Variants in LY75 observed in about 807,000 individuals in gnomAD.
LY75 encodes the protein C-type lectin domain family 13 member B.
A neutral mutation model predicts 231.7 loss-of-function variants in LY75; 185 were observed. That is an observed-to-expected ratio of 0.80 (90% CI 0.71 to 0.90). LY75 has a LOEUF of 0.90. Ranked by LOEUF, LY75 falls within the 40% of genes least tolerant of loss-of-function variation. The probability of loss-of-function intolerance (pLI) is 0.00; values close to 1 mark genes in which losing one functional copy is unlikely to be tolerated. For synonymous variants in LY75, 668 were observed against 689.0 expected, an observed-to-expected ratio of 0.97 and a Z score of 0.48; for missense variants, 1,947 against 2,050.2, an observed-to-expected ratio of 0.95 and a Z score of 0.97.
chr2:159,838,731 T>C (rs1349161390), intron 25 of LY75, among the ~76,000 whole-genome samples: 1 of 152,188 alleles, frequency 6.6e-6, no homozygotes, highest in East Asian at 1.9e-4. Flanking sequence ...ATTGAGACTG[T>C]GAGGACTGAG....
rs1260389521 is a variant in LY75, at chr2:159,885,270, CTAT to C, written c.934_936del (p.Ile312del). On this transcript the variant is annotated inframe_deletion, in exon 6 of 35. Transcript: ENST00000263636. ...TCCATTCTTGCACAGCTGGAGCCAC[CTAT>C]AGTAGGTGCACTGGGCCTGTCTTAA... 29 of 1,613,376 alleles carry C rather than the reference CTAT, an allele frequency of 1.8e-5. No individual in the cohort carries two copies. The highest frequency in any genetic ancestry group is 2.2e-5 in the Non-Finnish European group (26 of 1,179,658).
intron 2 of LY75, among the ~76,000 whole-genome samples, chr2:159,894,453 A>G (rs1168327544): frequency 6.6e-6 from 1 of 152,224 alleles, no homozygotes; most frequent in Non-Finnish European, 1.5e-5. Context: ...ACTTCACCAG[A>G]AAGGGTGCCC....
intron 21 of LY75, among the ~76,000 whole-genome samples, chr2:159,851,500 G>A (rs1684401209): frequency 6.6e-6 from 1 of 152,178 alleles, no homozygotes; most frequent in South Asian, 2.1e-4. Context: ...GGATGGCAGA[G>A]CAAAACCAAA....
rs1685626022 is a variant in LY75 at position 159,887,483 on chromosome 2, A to G, written c.803-953T>C. On this transcript the variant is annotated intron_variant, in intron 4 of 34. Transcript: ENST00000263636. ...TGAGGCAGAAGAATTGCTTGAACCC[A>G]GGAGACAGAGGTTGCAGTGAGCCGA... 4.7e-5 allele frequency among the ~76,000 whole-genome samples: 7 copies of G among 150,186 alleles called. No homozygotes were observed. In the Admixed American group the frequency reaches 4.7e-4, roughly 10 times the overall value.
rs1682755787 is a variant in LY75 at position 159,805,187 on chromosome 2, T to G, written c.5026A>C (p.Thr1676Pro). The change falls in exon 35 of 35, where the codon ACA (threonine) becomes CCA (proline). Residue 1676 changes from threonine (T) to proline (P), a missense_variant. Thr to Pro is a conservative substitution (Grantham distance 38). Coordinates refer to ENST00000263636, the MANE Select transcript of LY75 (RefSeq NM_002349.4). Reference protein sequence around the residue: ...DYTAIAIIVATLSILVLMGGL... With the variant: ...DYTAIAIIVAPLSILVLMGGL... ...CCCATGAGAACTAAGATACTTAGTG[T>G]GGCAACTATGATAGCTATTGCTGTG... The G allele has an allele frequency of 1.2e-6, 2 of 1,614,024 alleles. No homozygotes were observed. The highest frequency in any genetic ancestry group is 1.7e-5 in the Admixed American group (1 of 60,002).
Position 159,831,710 on chromosome 2 carries a change from A to G in LY75, c.3918T>C (p.Asn1306=), listed in dbSNP as rs1683665692. ...NFVLEQLLYF[N]YMASWVMLGI... The stretch of plus-strand genomic sequence containing the variant: ...CTAACATGACCCATGAAGCCATATA[A>G]TTGAAGTACAGCAGTTGCTCAAGAA... Residue 1306 remains asparagine (N), a synonymous_variant, in exon 28 of 35, where the codon AAT becomes AAC. Coordinates refer to ENST00000263636, the MANE Select transcript of LY75 (RefSeq NM_002349.4). 6.2e-7 allele frequency: 1 copy of G among 1,612,618 alleles called. No individual in the cohort carries two copies. Among genetic ancestry groups the G allele is most frequent in the African/African-American group, 1.3e-5 (1 of 74,912 alleles).
rs572010089 is a variant in LY75 at position 159,824,870 on chromosome 2, CGAAAT to C, written c.3959-4955_3959-4951del. 3.6e-4 allele frequency among the ~76,000 whole-genome samples: 55 copies of C among 151,936 alleles called. 1 individual carries two copies. In the East Asian group the frequency reaches 8.1e-3, roughly 22 times the overall value. On this transcript the variant is annotated intron_variant, in intron 28 of 34. Coordinates refer to ENST00000263636, the MANE Select transcript of LY75 (RefSeq NM_002349.4). ...CTCCTGAATGACACTGGGTAAATAA[CGAAAT>C]GAAGGCAGAAATAAAGATGTTCTTT...
At chr2:159,841,014 G>A in intron 24 of LY75, 59 bp from the exon 25 acceptor site, 1 of 1,582,914 alleles carries the variant, frequency 6.3e-7, no homozygotes, top group Non-Finnish European at 8.6e-7. Flanking sequence ...TGCAAGTTAT[G>A]GGACATTTTT....
chr2:159,882,785 T>A (rs1420138197), intron 6 of LY75, among the ~76,000 whole-genome samples: 1 of 152,140 alleles, frequency 6.6e-6, no homozygotes, highest in Non-Finnish European at 1.5e-5. Flanking sequence ...CGCTCACCGT[T>A]GAACAAAGGA....
intron 2 of LY75, among the ~76,000 whole-genome samples, chr2:159,896,518 T>A (rs2125885481): frequency 6.6e-6 from 1 of 152,292 alleles, no homozygotes; most frequent in Middle Eastern, 3.4e-3. Context: ...TAACCTTGGA[T>A]TTCACTTTGT....
chr2:159,836,030 T>C (rs1220032942), intron 25 of LY75, among the ~76,000 whole-genome samples: 1 of 152,106 alleles, frequency 6.6e-6, no homozygotes, highest in Non-Finnish European at 1.5e-5. Flanking sequence ...TTATCAGAAA[T>C]CAGAAAGCTA....
chr2:159,874,852 TATATATATTTTGTAAATATATATAC>T (rs907291855), intron 12 of LY75, among the ~76,000 whole-genome samples: 8 of 130,422 alleles, frequency 6.1e-5, no homozygotes, highest in African/African-American at 1.5e-4. Flanking sequence ...TATGTAAATA[TATATATATTTTGTAAATATATATAC>T]ATATATATTT....
At chr2:159,820,030 A>T in intron 28 of LY75, 110 bp from the exon 29 acceptor site, 7 of 1,090,710 alleles carry the variant, frequency 6.4e-6, no homozygotes, top group Non-Finnish European at 8.8e-6. Flanking sequence ...CCAACCTTCT[A>T]AAAGGTTGTA....
chr2:159,850,298 A>C (rs1684343530), intron 22 of LY75, 64 bp downstream of exon 22: 3 of 1,587,272 alleles, frequency 1.9e-6, no homozygotes, highest in Non-Finnish European at 2.6e-6. Flanking sequence ...AATTCCCCAT[A>C]GCCTCCTAAA....
At chr2:159,884,523 C>A (rs1220947726) in intron 6 of LY75, among the ~76,000 whole-genome samples, 1 of 152,076 alleles carries the variant, frequency 6.6e-6, no homozygotes, top group Non-Finnish European at 1.5e-5. Context: ...CCCTCTGCAC[C>A]TCTCCTTTTT....
chr2:159,855,933 T>C (rs186856443), intron 16 of LY75, among the ~76,000 whole-genome samples: 123 of 152,362 alleles, frequency 8.1e-4, no homozygotes, highest in African/African-American at 2.7e-3. Context: ...CTCAGAGGAC[T>C]GCCTGAATAG....
In LY75 at chr2:159,819,892, G is replaced by C. The variant is rs1683233364; in HGVS notation, c.3987C>G (p.Thr1329=). Residue 1329 remains threonine (T), a synonymous_variant, in exon 29 of 35, where the codon ACC becomes ACG. Transcript: ENST00000263636. ...CTCTCCAATGTGTATATGACAGTGG[G>C]GTCTTATCAAACCACATAAGAGACT... ...RNKSLMWFDK[T]PLSYTHWRAG... is the part of the protein sequence containing the mutation. 6.2e-7 allele frequency: 1 copy of C among 1,607,534 alleles called. No individual in the cohort carries two copies. Among genetic ancestry groups the C allele is most frequent in the South Asian group, 1.1e-5 (1 of 89,526 alleles).
At chr2:159,823,168 T>C (rs1683353536) in intron 28 of LY75, among the ~76,000 whole-genome samples, 1 of 152,156 alleles carries the variant, frequency 6.6e-6, no homozygotes, top group African/African-American at 2.4e-5. Context: ...AGGAGCATGT[T>C]CTAACCCAAT....
intron 3 of LY75, among the ~76,000 whole-genome samples, chr2:159,893,647 C>T (rs1332872161): frequency 6.6e-6 from 1 of 152,062 alleles, no homozygotes; most frequent in African/African-American, 2.4e-5. Context: ...TTGTGCATGC[C>T]TTTTCCACAC....
Sources: gnomAD v4.1 joint callset for allele counts (sites outside exome capture counted in the v4.1 genomes callset) on GRCh38, gnomAD v4.1.1 for gene constraint, MANE v1.5 for transcripts, NCBI Gene and HGNC (gene_info 2026-07-23, HGNC 2026-07-21) for gene names.